The following STPG2 variants were observed in gnomAD, a reference collection of about 807,000 sequenced individuals.
STPG2 encodes sperm tail PG-rich repeat containing 2.
STPG2 carries 56 observed loss-of-function variants against 54.2 expected under a neutral mutation model. That is an observed-to-expected ratio of 1.03 (90% confidence interval 0.83 to 1.29). The LOEUF (loss-of-function observed/expected upper bound fraction) is 1.29, where lower values mean the gene tolerates loss of function less well. Ranked by LOEUF, STPG2 falls within the 50% of genes most tolerant of loss-of-function variation. The pLI is 0.00. For synonymous variants in STPG2, 200 were observed against 181.8 expected, an observed-to-expected ratio of 1.10 and a Z score of -0.81; for missense variants, 596 against 544.9, an observed-to-expected ratio of 1.09 and a Z score of -0.93.
chr4:97,538,310 G>A (rs929471302), intron 4 of STPG2, among the ~76,000 whole-genome samples: 16 of 152,210 alleles, frequency 1.1e-4, no homozygotes, highest in Admixed American at 6.5e-4. Flanking sequence ...TTAGATGAAT[G>A]GCTAATGAGA....
At chr4:97,974,684 CTT>C (rs1734445023) in intron 6 of STPG2, among the ~76,000 whole-genome samples, 1 of 151,908 alleles carries the variant, frequency 6.6e-6, no homozygotes, top group Non-Finnish European at 1.5e-5. Flanking sequence ...GCTCCCTCCT[CTT>C]GTCTGCTGCC....
chr4:97,446,373 T>C (rs200241000), intron 4 of STPG2, among the ~76,000 whole-genome samples: 1 of 152,208 alleles, frequency 6.6e-6, no homozygotes, highest in East Asian at 1.9e-4. Context: ...CTTGGAGCCA[T>C]AAACACAACC....
intron 5 of STPG2, among the ~76,000 whole-genome samples, chr4:98,062,623 T>G (rs1737698070): frequency 6.6e-6 from 1 of 152,078 alleles, no homozygotes; most frequent in African/African-American, 2.4e-5. Flanking sequence ...TTTTTCAACC[T>G]TTCACAGATA....
chr4:97,758,539 G>A (rs747690818), intron 9 of STPG2, among the ~76,000 whole-genome samples: 9 of 152,030 alleles, frequency 5.9e-5, no homozygotes, highest in South Asian at 2.1e-4. Context: ...ACCAAGCACC[G>A]CATGTTCTCA....
intron 8 of STPG2, among the ~76,000 whole-genome samples, chr4:97,915,681 G>A (rs1323144907): frequency 2.6e-5 from 4 of 152,118 alleles, no homozygotes; most frequent in East Asian, 1.9e-4. Context: ...GCAAAATGAC[G>A]GAGGCAGGAA....
chr4:97,786,800 C>T (rs1279367964), intron 9 of STPG2, among the ~76,000 whole-genome samples: 1 of 152,060 alleles, frequency 6.6e-6, no homozygotes, highest in African/African-American at 2.4e-5. Flanking sequence ...ATGCCACTCA[C>T]CTGTTGGTCA....
intron 8 of STPG2, among the ~76,000 whole-genome samples, chr4:97,887,373 A>T (rs1420451555): frequency 6.6e-6 from 1 of 152,148 alleles, no homozygotes; most frequent in African/African-American, 2.4e-5. Flanking sequence ...TCAGATGGAG[A>T]TGAGGAACTT....
At chr4:97,913,768 A>C (rs1022650502) in intron 8 of STPG2, among the ~76,000 whole-genome samples, 1 of 152,170 alleles carries the variant, frequency 6.6e-6, no homozygotes, top group East Asian at 1.9e-4. Context: ...TTTCTAGTGC[A>C]TACATAAACC....
chr4:97,950,942 C>G (rs1327639522), intron 7 of STPG2, among the ~76,000 whole-genome samples: 1 of 152,116 alleles, frequency 6.6e-6, no homozygotes, highest in Non-Finnish European at 1.5e-5. Flanking sequence ...CTGACCCTCC[C>G]CAAATTGCTC....
At chr4:97,634,290 T>C (rs1578440474) in intron 10 of STPG2, among the ~76,000 whole-genome samples, 1 of 152,080 alleles carries the variant, frequency 6.6e-6, no homozygotes, top group East Asian at 1.9e-4. Context: ...TCCTGTCTGT[T>C]AGAAGGAAAA....
chr4:98,082,807 C>G (rs1224108731), intron 5 of STPG2, among the ~76,000 whole-genome samples: 5 of 152,028 alleles, frequency 3.3e-5, no homozygotes, highest in Admixed American at 6.6e-5. Flanking sequence ...TCATGCCACT[C>G]TCTTGATAAA....
In STPG2 at chr4:98,141,942, G is replaced by GAAAAAAAA. The variant is rs3974892; in HGVS notation, c.109+1092_109+1099dup. On this transcript the variant is annotated intron_variant, in intron 1 of 10. Coordinates refer to ENST00000295268, the MANE Select transcript of STPG2 (RefSeq NM_174952.3). The stretch of plus-strand genomic sequence containing the variant: ...GACACTCTTCCAAGACAGTAGTTGG[G>GAAAAAAAA]AAAAAAAAAAAAAAAAAAAACAGGA... Among the ~76,000 whole-genome samples, 183 of 96,848 alleles carry GAAAAAAAA rather than the reference G, an allele frequency of 1.9e-3. 2 individuals carry two copies. Among genetic ancestry groups the GAAAAAAAA allele is most frequent in the African/African-American group, 7.2e-3 (177 of 24,532 alleles). 63.5% of individuals were successfully genotyped at this position (96,848 alleles called of 152,430 possible).
intron 5 of STPG2, among the ~76,000 whole-genome samples, chr4:98,056,747 T>C (rs1308826281): frequency 2.0e-5 from 3 of 152,100 alleles, no homozygotes; most frequent in African/African-American, 7.2e-5. Context: ...TAGGAGGTGG[T>C]TGGATCATGG....
chr4:97,445,067 T>C (rs1729186252), intron 4 of STPG2, among the ~76,000 whole-genome samples: 1 of 152,106 alleles, frequency 6.6e-6, no homozygotes, highest in Non-Finnish European at 1.5e-5. Flanking sequence ...GTAATGATGA[T>C]AATAATCTAT....
chr4:97,621,801 C>T (rs1734018204), intron 10 of STPG2, among the ~76,000 whole-genome samples: 1 of 152,044 alleles, frequency 6.6e-6, no homozygotes, highest in Non-Finnish European at 1.5e-5. Context: ...TCCTTATACC[C>T]AGGCCTGGTA....
At chr4:98,115,191 A>G (rs1335518262) in intron 3 of STPG2, among the ~76,000 whole-genome samples, 1 of 151,994 alleles carries the variant, frequency 6.6e-6, no homozygotes, top group Non-Finnish European at 1.5e-5. Context: ...CCATAATTAA[A>G]TATGGAAATA....
chr4:97,714,910 A>G (rs1010342852), intron 9 of STPG2, among the ~76,000 whole-genome samples: 8 of 152,158 alleles, frequency 5.3e-5, no homozygotes, highest in African/African-American at 1.9e-4. Flanking sequence ...GAAGAAATAT[A>G]GTCTATTCTC....
At chr4:97,592,012 G>C (rs1733158095) in intron 10 of STPG2, among the ~76,000 whole-genome samples, 1 of 152,040 alleles carries the variant, frequency 6.6e-6, no homozygotes, top group Non-Finnish European at 1.5e-5. Context: ...AAAAACATGT[G>C]AATTGTACAA....
intron 5 of STPG2, among the ~76,000 whole-genome samples, chr4:97,998,731 G>C (rs543287550): frequency 9.2e-5 from 14 of 152,228 alleles, no homozygotes; most frequent in Non-Finnish European, 1.9e-4. Flanking sequence ...ATTTGTACCT[G>C]GTGTCAGTGA....
Sources: gnomAD v4.1 joint callset for allele counts (sites outside exome capture counted in the v4.1 genomes callset) on GRCh38, gnomAD v4.1.1 for gene constraint, MANE v1.5 for transcripts, NCBI Gene and HGNC (gene_info 2026-07-23, HGNC 2026-07-21) for gene names.